Variants in OGA observed in about 807,000 individuals in gnomAD.
OGA encodes the protein protein O-GlcNAcase.
Under a neutral mutation model 102.0 loss-of-function variants are expected in OGA, and 21 were observed. The observed-to-expected ratio is 0.21, with a 90% CI of 0.15 to 0.30. The LOEUF (loss-of-function observed/expected upper bound fraction) is 0.30, where lower values mean the gene tolerates loss of function less well. Ranked by LOEUF, OGA falls within the 10% of genes least tolerant of loss-of-function variation. The pLI, the probability that OGA is intolerant of heterozygous loss-of-function variation, is 1.00. For synonymous variants in OGA, 408 were observed against 378.2 expected, an observed-to-expected ratio of 1.08 and a Z score of -0.91; for missense variants, 765 against 1,107.8, an observed-to-expected ratio of 0.69 and a Z score of 4.39.
chr10:101,802,349 A>G (rs1417996299), intron 7 of OGA, among the ~76,000 whole-genome samples: 2 of 152,214 alleles, frequency 1.3e-5, no homozygotes, highest in East Asian at 1.9e-4. Flanking sequence ...ACAATTGCCT[A>G]TAAGCCTTAC....
intron 4 of OGA, among the ~76,000 whole-genome samples, chr10:101,808,853 C>T (rs533258447): frequency 6.6e-6 from 1 of 152,024 alleles, no homozygotes; most frequent in African/African-American, 2.4e-5. Flanking sequence ...GCCTGTAATC[C>T]CCGTTACTCA....
chr10:101,810,329 CTA>C lies in OGA; in HGVS notation c.350-17_350-16del, dbSNP rs754116205. On this transcript the variant is annotated splice_polypyrimidine_tract_variant and intron_variant, in intron 3 of 15. Transcript: ENST00000361464. The stretch of plus-strand genomic sequence containing the variant: ...CATAAGTTGCTCTAAAGAACAGAGT[CTA>C]TGTTTTTAGAAAGCAGAACAGAAAA... The C allele has an allele frequency of 1.9e-6, 3 of 1,593,790 alleles. No homozygotes were observed. Among genetic ancestry groups the C allele is most frequent in the Admixed American group, 3.6e-5 (2 of 55,300 alleles).
At chr10:101,791,255 T>C (rs2065256317) in intron 13 of OGA, 99 bp downstream of exon 13, 1 of 1,241,662 alleles carries the variant, frequency 8.1e-7, no homozygotes, top group South Asian at 1.4e-5. Flanking sequence ...CAAAGTGGGA[T>C]TTAAAATAAA....
chr10:101,813,077 T>C lies in OGA; in HGVS notation c.302A>G (p.Tyr101Cys). 2 of 1,613,292 alleles carry C rather than the reference T, an allele frequency of 1.2e-6. No individual in the cohort carries two copies. The highest frequency in any genetic ancestry group is 1.7e-6 in the Non-Finnish European group (2 of 1,179,686). ...NTYLYAPKDD[Y>C]KHRMFWREMY... ...CTCTCGCCAAAACATCCTATGTTTG[T>C]AGTCATCTTTTGGGGCATACAAGTA... The change falls in exon 3 of 16, where the codon TAC becomes TGC. Residue 101 changes from tyrosine (Y) to cysteine (C), a missense_variant. Transcript: ENST00000361464.
intron 10 of OGA, 36 bp downstream of exon 10, chr10:101,797,944 T>C: frequency 6.3e-7 from 1 of 1,586,584 alleles, no homozygotes; most frequent in Non-Finnish European, 8.6e-7. Flanking sequence ...AGGGACAATA[T>C]ATTTGAGGAG....
At chr10:101,787,664 T>C in intron 14 of OGA, 141 bp from the exon 15 acceptor site, 1 of 686,590 alleles carries the variant, frequency 1.5e-6, no homozygotes, top group Non-Finnish European at 2.4e-6. Context: ...GATTATCCTA[T>C]AATTCTAGCT....
chr10:101,800,729 G>C (rs963507673), intron 7 of OGA, among the ~76,000 whole-genome samples: 1 of 150,306 alleles, frequency 6.7e-6, no homozygotes, highest in Non-Finnish European at 1.5e-5. Flanking sequence ...CATGCTTTTC[G>C]TATGAAGAAA....
chr10:101,801,920 G>T (rs1223843140), intron 7 of OGA, among the ~76,000 whole-genome samples: 2 of 152,188 alleles, frequency 1.3e-5, no homozygotes, highest in Non-Finnish European at 2.9e-5. Context: ...GCAGAGGCAG[G>T]CAGATCACCA....
intron 14 of OGA, 72 bp downstream of exon 14, chr10:101,790,823 AC>A (rs2065253003): frequency 9.0e-7 from 1 of 1,114,430 alleles, no homozygotes; most frequent in African/African-American, 1.7e-5. Flanking sequence ...TTTAGTAAGT[AC>A]TTTAATAAAA....
chr10:101,818,269 T>C lies in OGA; in HGVS notation c.-247A>G. 1.5e-6 allele frequency: 2 copies of C among 1,293,564 alleles called. No individual in the cohort carries two copies. Among genetic ancestry groups the C allele is most frequent in the East Asian group, 3.2e-5 (1 of 31,100 alleles). The allele number at this position is 1,293,564 out of a possible 1,614,324, so 80.1% of individuals were successfully genotyped here. A position where few individuals can be genotyped will look rare whatever the true frequency, so the allele number is the denominator to read the frequency against. On this transcript the variant is annotated 5_prime_UTR_variant, in exon 1 of 16. Coordinates refer to ENST00000361464, the MANE Select transcript of OGA (RefSeq NM_012215.5). The stretch of plus-strand genomic sequence containing the variant: ...GCTTTAAGCTGGGGCGCCAGAAGCC[T>C]AAGCGGAGAGCGAGGCTGTGACCTC...
At chr10:101,800,684 A>C (rs1353435956) in intron 7 of OGA, among the ~76,000 whole-genome samples, 1 of 151,980 alleles carries the variant, frequency 6.6e-6, no homozygotes, top group African/African-American at 2.4e-5. Flanking sequence ...CCGTCTACTG[A>C]GTACTAATTG....
intron 7 of OGA, among the ~76,000 whole-genome samples, chr10:101,801,771 C>T (rs573911412): frequency 1.3e-5 from 2 of 152,306 alleles, no homozygotes; most frequent in South Asian, 4.1e-4. Flanking sequence ...AATTGAGAAA[C>T]AGATGACAAC....
At chr10:101,800,125 G>A (rs745929664) in intron 8 of OGA, 117 bp downstream of exon 8, 101 of 1,116,322 alleles carry the variant, frequency 9.0e-5, no homozygotes, top group East Asian at 2.2e-4. Context: ...CGCCTGCCTC[G>A]GCCTCCCAAA....
intron 6 of OGA, among the ~76,000 whole-genome samples, chr10:101,804,564 C>T (rs967364627): frequency 6.6e-6 from 1 of 152,084 alleles, no homozygotes; most frequent in Middle Eastern, 3.2e-3. Context: ...TGAGCCACTG[C>T]GCCTGGCCCC....
At chr10:101,798,360 C>A (rs1345743791) in intron 9 of OGA, among the ~76,000 whole-genome samples, 1 of 151,286 alleles carries the variant, frequency 6.6e-6, no homozygotes, top group African/African-American at 2.4e-5. Flanking sequence ...AACTATGAAA[C>A]TGAAGGTACC....
intron 5 of OGA, among the ~76,000 whole-genome samples, chr10:101,806,983 A>T (rs941112178): frequency 2.6e-5 from 4 of 152,254 alleles, no homozygotes; most frequent in East Asian, 1.9e-4. Flanking sequence ...AGTAAAATTT[A>T]AAAAAAATTT....
At chr10:101,795,903 G>A (rs2065309427) in intron 10 of OGA, 1 of 982,652 alleles carries the variant, frequency 1.0e-6, no homozygotes, top group Non-Finnish European at 1.2e-6. Context: ...AAGAGCTTGA[G>A]ATTGTGTAAG....
intron 7 of OGA, among the ~76,000 whole-genome samples, chr10:101,801,972 C>G (rs1286355533): frequency 6.6e-6 from 1 of 152,048 alleles, no homozygotes; most frequent in East Asian, 1.9e-4. Context: ...TGGTGAAACC[C>G]TGTCTCTACT....
chr10:101,793,142 C>CT (rs1397539556), intron 11 of OGA, among the ~76,000 whole-genome samples, 199 bp from the exon 12 acceptor site: 1 of 152,172 alleles, frequency 6.6e-6, no homozygotes, highest in Non-Finnish European at 1.5e-5. Context: ...ATTACCCACT[C>CT]TGAGTTACAG....
Sources: allele counts gnomAD v4.1 joint callset (sites outside exome capture counted in the v4.1 genomes callset), GRCh38; gene constraint gnomAD v4.1.1; transcripts MANE v1.5; gene names NCBI Gene and HGNC (gene_info 2026-07-23, HGNC 2026-07-21).